LRMDA: variants seen among roughly 807,000 people sequenced by gnomAD.
LRMDA encodes leucine rich melanocyte differentiation associated.
A neutral mutation model predicts 29.8 loss-of-function variants in LRMDA; 18 were observed. The ratio of observed to expected loss-of-function variants is 0.60; its 90% CI spans 0.42 to 0.90. The LOEUF (loss-of-function observed/expected upper bound fraction) is 0.90. Ranked by LOEUF, LRMDA falls within the 40% of genes least tolerant of loss-of-function variation. The pLI, the probability that LRMDA is intolerant of heterozygous loss-of-function variation, is 0.00. For synonymous variants in LRMDA, 125 were observed against 109.4 expected (o/e 1.14, Z -0.89); for missense variants, 273 against 273.9 (o/e 1.00, Z 0.02).
chr10:76,463,640 G>A (rs1842534431), intron 6 of LRMDA, among the ~76,000 whole-genome samples: 1 of 152,180 alleles, frequency 6.6e-6, no homozygotes, highest in Admixed American at 6.5e-5. Context: ...GATGTTGGGC[G>A]GTGGCAGGGG....
chr10:76,102,582 T>A (rs1174466852), intron 5 of LRMDA, among the ~76,000 whole-genome samples: 2 of 152,240 alleles, frequency 1.3e-5, no homozygotes, highest in African/African-American at 4.8e-5. Context: ...TTTTAATGGC[T>A]GCATAGTATG....
chr10:76,528,402 A>G (rs1843200659), intron 6 of LRMDA, among the ~76,000 whole-genome samples: 1 of 152,194 alleles, frequency 6.6e-6, no homozygotes, highest in Non-Finnish European at 1.5e-5. Context: ...AGATGGATAT[A>G]TATGAATGCA....
At chr10:75,508,449 TCTAA>T (rs1173719488) in intron 2 of LRMDA, among the ~76,000 whole-genome samples, 4 of 152,194 alleles carry the variant, frequency 2.6e-5, no homozygotes, top group African/African-American at 4.8e-5. Flanking sequence ...CTTAGTCAGC[TCTAA>T]CTAATTTCAG....
intron 5 of LRMDA, among the ~76,000 whole-genome samples, chr10:76,261,550 A>G (rs150566051): frequency 6.6e-6 from 1 of 152,292 alleles, no homozygotes; most frequent in Non-Finnish European, 1.5e-5. Context: ...ATGCAAAAAT[A>G]AGAGCCTTTG....
At chr10:76,036,164 T>TCCCCC in intron 3 of LRMDA, 30 bp downstream of exon 3, 1 of 1,522,376 alleles carries the variant, frequency 6.6e-7, no homozygotes, top group Non-Finnish European at 8.9e-7. Flanking sequence ...CTGCCCCCAC[T>TCCCCC]CCCCACCCAG....
At chr10:76,061,535 AT>A (rs1478682091) in intron 5 of LRMDA, among the ~76,000 whole-genome samples, 1 of 152,216 alleles carries the variant, frequency 6.6e-6, no homozygotes, top group Admixed American at 6.5e-5. Flanking sequence ...GTTTAAAAAA[AT>A]ACCTGTTAAT....
At chr10:76,064,179 G>A (rs978379982) in intron 5 of LRMDA, among the ~76,000 whole-genome samples, 2 of 152,202 alleles carry the variant, frequency 1.3e-5, no homozygotes, top group Non-Finnish European at 2.9e-5. Context: ...TACACTGGCA[G>A]AAAAGACAGA....
intron 5 of LRMDA, among the ~76,000 whole-genome samples, chr10:76,097,304 C>G (rs1249579070): frequency 2.0e-5 from 3 of 152,206 alleles, no homozygotes; most frequent in African/African-American, 7.2e-5. Context: ...AGCCACCGTG[C>G]CCGGCTTCAT....
chr10:76,178,132 G>A (rs1049106364), intron 5 of LRMDA, among the ~76,000 whole-genome samples: 1 of 152,210 alleles, frequency 6.6e-6, no homozygotes, highest in African/African-American at 2.4e-5. Flanking sequence ...CAGGGGAATA[G>A]TATTACAAAG....
chr10:76,026,379 A>G (rs985257534), intron 2 of LRMDA, among the ~76,000 whole-genome samples: 5 of 152,210 alleles, frequency 3.3e-5, no homozygotes, highest in African/African-American at 4.8e-5. Flanking sequence ...GTTTTCAGGT[A>G]GGCCACTTTA....
chr10:75,719,195 G>A (rs534028074), intron 2 of LRMDA, among the ~76,000 whole-genome samples: 129 of 152,324 alleles, frequency 8.5e-4, no homozygotes, highest in African/African-American at 3.0e-3. Context: ...CATGCCATAT[G>A]TACTACTGAG....
At chr10:76,325,987 T>C (rs1326103695) in intron 6 of LRMDA, among the ~76,000 whole-genome samples, 1 of 152,184 alleles carries the variant, frequency 6.6e-6, no homozygotes, top group African/African-American at 2.4e-5. Context: ...TTGGATGACA[T>C]CAGGGCTTAA....
intron 5 of LRMDA, among the ~76,000 whole-genome samples, chr10:76,174,727 A>G (rs1850901055): frequency 6.6e-6 from 1 of 152,226 alleles, no homozygotes; most frequent in African/African-American, 2.4e-5. Context: ...ACTTGGGACT[A>G]GCGGAAACAG....
intron 2 of LRMDA, among the ~76,000 whole-genome samples, chr10:75,457,089 G>A (rs1038409906): frequency 2.0e-5 from 3 of 152,178 alleles, no homozygotes. Context: ...AATCTTTATG[G>A]CAAGCAAGGT....
chr10:75,738,982 C>T (rs978830567), intron 2 of LRMDA, among the ~76,000 whole-genome samples: 2 of 152,172 alleles, frequency 1.3e-5, no homozygotes, highest in African/African-American at 4.8e-5. Context: ...TGAGGTAGCA[C>T]CTGGCTGATT....
intron 5 of LRMDA, among the ~76,000 whole-genome samples, chr10:76,144,554 C>G: frequency 6.6e-6 from 1 of 152,160 alleles, no homozygotes; most frequent in East Asian, 1.9e-4. Flanking sequence ...TATCCTGAGA[C>G]TTTGCTGAAG....
At chr10:75,768,672 C>A (rs1843200578) in intron 2 of LRMDA, among the ~76,000 whole-genome samples, 2 of 152,112 alleles carry the variant, frequency 1.3e-5, no homozygotes, top group Admixed American at 6.5e-5. Flanking sequence ...ATATACTTTG[C>A]TTAACCTGGA....
chr10:76,231,137 G>A (rs11001701), intron 5 of LRMDA, among the ~76,000 whole-genome samples: 2 of 151,862 alleles, frequency 1.3e-5, no homozygotes. Context: ...TTCATGTTGT[G>A]GGGGAAAGAG....
chr10:75,674,402 C>T (rs1841936711), intron 2 of LRMDA, among the ~76,000 whole-genome samples: 2 of 152,044 alleles, frequency 1.3e-5, no homozygotes, highest in Admixed American at 6.5e-5. Flanking sequence ...TTGAAAGCTC[C>T]AATTTCTTAT....
Sources: allele counts gnomAD v4.1 joint callset (sites outside exome capture counted in the v4.1 genomes callset), GRCh38; gene constraint gnomAD v4.1.1; transcripts MANE v1.5; gene names NCBI Gene and HGNC (gene_info 2026-07-23, HGNC 2026-07-21).